Variants in TANC1 observed in about 807,000 individuals in gnomAD.
The protein encoded by TANC1 is protein TANC1.
In TANC1, 77 loss-of-function variants were observed where a neutral mutation model predicts 149.7. That is an observed-to-expected ratio of 0.51 (90% CI 0.43 to 0.62). TANC1 has a LOEUF of 0.62. Ranked by LOEUF, TANC1 falls within the 20% of genes least tolerant of loss-of-function variation. The pLI is 0.00. For missense variants in TANC1, 1,985 were observed against 2,321.8 expected, an observed-to-expected ratio of 0.85 and a Z score of 2.98; for synonymous variants, 854 against 925.0, an observed-to-expected ratio of 0.92 and a Z score of 1.39.
chr2:158,985,088 T>C (rs752525358), intron 1 of TANC1, among the ~76,000 whole-genome samples: 9 of 152,166 alleles, frequency 5.9e-5, no homozygotes, highest in Non-Finnish European at 1.3e-4. Context: ...CAGAGCTCTC[T>C]GTTAGGAGGC....
At chr2:159,203,319 G>T (rs2058381119) in intron 19 of TANC1, among the ~76,000 whole-genome samples, 1 of 149,532 alleles carries the variant, frequency 6.7e-6, no homozygotes, top group Admixed American at 6.8e-5. Flanking sequence ...GGCTTCTCCT[G>T]CCTCAGCCTC....
At chr2:159,077,692 G>C (rs755033741) in intron 3 of TANC1, among the ~76,000 whole-genome samples, 48 of 152,026 alleles carry the variant, frequency 3.2e-4, no homozygotes, top group Non-Finnish European at 5.0e-4. Flanking sequence ...TGTTGCATTG[G>C]GTAGTTATAA....
intron 3 of TANC1, among the ~76,000 whole-genome samples, chr2:159,079,881 T>G (rs571413915): frequency 2.6e-4 from 40 of 152,360 alleles, no homozygotes; most frequent in Admixed American, 2.2e-3. Context: ...CTTTTGCCCC[T>G]ATTTTTGTTT....
At chr2:159,217,457 C>T (rs773811547) in intron 19 of TANC1, 40 bp from the exon 20 acceptor site, 7 of 1,612,704 alleles carry the variant, frequency 4.3e-6, no homozygotes, top group Non-Finnish European at 5.1e-6. Flanking sequence ...TGTGCTCCAC[C>T]ACATGCTAAC....
chr2:159,048,881 T>G (rs2041265306), intron 2 of TANC1, among the ~76,000 whole-genome samples: 1 of 152,206 alleles, frequency 6.6e-6, no homozygotes, highest in South Asian at 2.1e-4. Context: ...TTCTCCCACC[T>G]TGGCCTCCCA....
intron 16 of TANC1, among the ~76,000 whole-genome samples, chr2:159,193,655 G>A (rs1414280480): frequency 1.3e-5 from 2 of 152,042 alleles, no homozygotes; most frequent in Non-Finnish European, 2.9e-5. Context: ...CTCCCAAGTA[G>A]CTGAGATACA....
At chr2:159,087,847 G>A (rs530822507) in intron 3 of TANC1, among the ~76,000 whole-genome samples, 17 of 149,160 alleles carry the variant, frequency 1.1e-4, no homozygotes, top group South Asian at 4.4e-4. Context: ...ATGAAGTCAC[G>A]CTAGGTTAGG....
chr2:159,097,969 T>C (rs1403850035), intron 4 of TANC1, 135 bp downstream of exon 4: 13 of 715,324 alleles, frequency 1.8e-5, no homozygotes, highest in African/African-American at 3.6e-5. Flanking sequence ...AAGAAATAAA[T>C]CTTTTTTTTT....
intron 7 of TANC1, among the ~76,000 whole-genome samples, chr2:159,159,968 C>A (rs2053878094): frequency 6.6e-6 from 1 of 151,892 alleles, no homozygotes; most frequent in South Asian, 2.1e-4. Flanking sequence ...CCAGCCTGGG[C>A]AGCATAGTGA....
At chr2:158,998,291 A>G (rs892845370) in intron 1 of TANC1, among the ~76,000 whole-genome samples, 9 of 152,100 alleles carry the variant, frequency 5.9e-5, no homozygotes, top group Non-Finnish European at 4.4e-5. Context: ...GTGAATACTG[A>G]CATACCCCCC....
intron 2 of TANC1, among the ~76,000 whole-genome samples, chr2:159,023,449 C>T (rs1207159557): frequency 6.6e-6 from 1 of 151,630 alleles, no homozygotes; most frequent in Non-Finnish European, 1.5e-5. Flanking sequence ...CTCAAGTGAT[C>T]TTCCCATCAG....
intron 5 of TANC1, among the ~76,000 whole-genome samples, chr2:159,142,956 G>A (rs757541301): frequency 2.8e-4 from 43 of 151,658 alleles, no homozygotes; most frequent in Non-Finnish European, 4.3e-4. Flanking sequence ...CCAGCTACTC[G>A]GGAGGCTGAG....
At chr2:159,173,129 T>C (rs1257896755) in intron 11 of TANC1, among the ~76,000 whole-genome samples, 2 of 152,216 alleles carry the variant, frequency 1.3e-5, no homozygotes, top group Admixed American at 6.5e-5. Context: ...AAGCCATCCC[T>C]GCTTATGGTG....
intron 4 of TANC1, among the ~76,000 whole-genome samples, chr2:159,109,536 A>T (rs7595446): frequency 1.3e-5 from 2 of 151,996 alleles, no homozygotes; most frequent in East Asian, 1.9e-4. Flanking sequence ...GCCATGTGAG[A>T]ATACGGTAGT....
At chr2:159,135,666 A>T (rs936387478) in intron 4 of TANC1, among the ~76,000 whole-genome samples, 1 of 152,266 alleles carries the variant, frequency 6.6e-6, no homozygotes, top group Non-Finnish European at 1.5e-5. Flanking sequence ...CACCAGCCAG[A>T]TAAGATGCCT....
At chr2:159,173,373 C>T (rs370836141) in intron 11 of TANC1, among the ~76,000 whole-genome samples, 2 of 152,130 alleles carry the variant, frequency 1.3e-5, no homozygotes, top group Non-Finnish European at 2.9e-5. Context: ...GAGGCCGAGG[C>T]GTACAGATCA....
intron 1 of TANC1, 130 bp downstream of exon 1, chr2:158,968,912 A>G (rs974969491): frequency 4.6e-5 from 7 of 152,770 alleles, no homozygotes; most frequent in Non-Finnish European, 1.0e-4. Context: ...GGCGTGTGGG[A>G]AAGTTTCTGG....
Position 159,194,260 on chromosome 2 carries a change from A to G in TANC1, c.2746A>G (p.Ser916Gly). ...RNLYTPNVKV[S>G]RLLILGGANV... Reference sequence around the variant, plus strand: ...GTTGGGGGGCCTTGTCCAACAGGTGAGCCGTCTCCTGATTTTGGGAGGGGC... The same window carrying G: ...GTTGGGGGGCCTTGTCCAACAGGTGGGCCGTCTCCTGATTTTGGGAGGGGC... Residue 916 changes from serine (S) to glycine (G), a missense_variant, in exon 17 of 27, where the codon AGC becomes GGC. Ser to Gly is a moderately conservative substitution (Grantham distance 56). This residue lies in a region of TANC1 where 508 missense variants were observed against 714.2 expected (regional missense o/e 0.71). Coordinates refer to ENST00000263635, the MANE Select transcript of TANC1 (RefSeq NM_033394.3). 1 of 1,612,932 alleles carries G rather than the reference A, an allele frequency of 6.2e-7. No homozygotes were observed. Among genetic ancestry groups the G allele is most frequent in the Non-Finnish European group, 8.5e-7 (1 of 1,178,936 alleles).
At chr2:159,046,583 TCTTTAC>T (rs1325266827) in intron 2 of TANC1, among the ~76,000 whole-genome samples, 2 of 144,560 alleles carry the variant, frequency 1.4e-5, no homozygotes, top group African/African-American at 5.0e-5. Context: ...TCTTTTCTTT[TCTTTAC>T]TTTTTTTTTT....
Sources: allele counts gnomAD v4.1 joint callset (sites outside exome capture counted in the v4.1 genomes callset), GRCh38; gene constraint gnomAD v4.1.1; regional missense constraint gnomAD v4.1.1; transcripts MANE v1.5; gene names NCBI Gene and HGNC (gene_info 2026-07-23, HGNC 2026-07-21).